Variants in NFIL3 observed in about 807,000 individuals in gnomAD.
NFIL3 encodes nuclear factor interleukin-3-regulated protein.
A neutral mutation model predicts 10.0 loss-of-function variants in NFIL3; 5 were observed. The ratio of observed to expected loss-of-function variants is 0.50; its 90% CI spans 0.26 to 1.06. The LOEUF (loss-of-function observed/expected upper bound fraction) is 1.06. Among genes scored for constraint, NFIL3 ranks in the 50% least tolerant of loss-of-function variants. The probability of loss-of-function intolerance (pLI) is 0.13; values close to 1 mark genes in which losing one functional copy is unlikely to be tolerated. For synonymous variants in NFIL3, 202 were observed against 206.5 expected (o/e 0.98, Z 0.19); for missense variants, 436 against 547.6 (o/e 0.80, Z 2.03).
upstream of NFIL3, among the ~76,000 whole-genome samples, chr9:91,428,385 G>C (rs778367981): frequency 4.6e-5 from 7 of 152,042 alleles, no homozygotes; most frequent in African/African-American, 1.7e-4. Context: ...CCACAACCTA[G>C]ACGTTATAGT....
chr9:91,441,217 A>G, the NFIL3 span, among the ~76,000 whole-genome samples: 1 of 152,034 alleles, frequency 6.6e-6, no homozygotes, highest in African/African-American at 2.4e-5. Context: ...GATAATTGTT[A>G]TGTCCTCTTG....
upstream of NFIL3, among the ~76,000 whole-genome samples, chr9:91,428,031 G>A (rs1425895936): frequency 1.3e-5 from 2 of 152,128 alleles, no homozygotes; most frequent in East Asian, 1.9e-4. Flanking sequence ...ATCAGTGTGT[G>A]CTTTTTGCTG....
In NFIL3 at chr9:91,410,729, C is replaced by A; in HGVS notation, c.6G>T (p.Gln2His). 2 of 1,587,830 alleles carry A rather than the reference C, an allele frequency of 1.3e-6. No individual in the cohort carries two copies. The highest frequency in any genetic ancestry group is 8.6e-7 in the Non-Finnish European group (1 of 1,169,570). ...TTTTGACGGTCTGCATTTTTCTCAG[C>A]TGCATCAGAAACAACCTTACCCTAT... M[Q>H]LRKMQTVKKE... Residue 2 changes from glutamine to histidine, a missense_variant, in exon 2 of 2, where the codon CAG becomes CAT. By Grantham distance (24) the Gln-to-His change is conservative (BLOSUM62 0). Transcript: ENST00000297689. This position sits in a 1 kb window ranked among gnomAD's most constrained non-coding sequence, Gnocchi z 5.7.
chr9:91,410,919 A>C lies in NFIL3; in HGVS notation c.-172-13T>G. The C allele has an allele frequency of 7.6e-6, 4 of 524,716 alleles. No homozygotes were observed. Among genetic ancestry groups the C allele is most frequent in the Non-Finnish European group, 1.3e-5 (4 of 297,742 alleles). 32.5% of individuals were successfully genotyped at this position (524,716 alleles called of 1,614,324 possible). On this transcript the variant is annotated splice_polypyrimidine_tract_variant and intron_variant, in intron 1 of 1. Coordinates refer to ENST00000297689, the MANE Select transcript of NFIL3 (RefSeq NM_005384.3). The surrounding 1 kb of genome is among the most constrained non-coding windows in gnomAD (Gnocchi z 5.7). ...CCTCCTTCGTTATCTGCAATACATG[A>C]ATAAAAAAAAAACCAGTTATTCACT...
rs919697443 is a variant in NFIL3, at chr9:91,421,674, C to G, written c.-173+1966G>C. ...GGAAGGTGGCGCCACGCGGCCCCTA[C>G]AGGCCTGGGACTCCCACCCGAGCTC... On this transcript the variant is annotated intron_variant, in intron 1 of 1. Transcript: ENST00000297689. Among the ~76,000 whole-genome samples, 12 of 152,308 alleles carry G rather than the reference C, an allele frequency of 7.9e-5. No homozygotes were observed. The South Asian group carries it at 2.3e-3, about 29-fold the overall frequency.
the NFIL3 span, among the ~76,000 whole-genome samples, chr9:91,453,562 C>T: frequency 6.6e-6 from 1 of 152,012 alleles, no homozygotes; most frequent in South Asian, 2.1e-4. Flanking sequence ...TAAATCCTTG[C>T]TATTTAGCAT....
chr9:91,470,207 G>T, the NFIL3 span, among the ~76,000 whole-genome samples: 1 of 151,820 alleles, frequency 6.6e-6, no homozygotes, highest in African/African-American at 2.4e-5. Flanking sequence ...CTCAATTTCA[G>T]AGCCTGTTAT....
At chr9:91,478,781 T>C in the NFIL3 span, among the ~76,000 whole-genome samples, 6 of 152,238 alleles carry the variant, frequency 3.9e-5, no homozygotes, top group Admixed American at 3.9e-4. Flanking sequence ...TTCATGGATT[T>C]ACCTACCTTT....
upstream of NFIL3, chr9:91,423,934 C>T (rs1833825672): frequency 6.9e-6 from 1 of 145,690 alleles, no homozygotes; most frequent in East Asian, 2.0e-4. Context: ...CCCCGGCCCG[C>T]CGCCAATGGC....
chr9:91,477,849 T>C, the NFIL3 span, among the ~76,000 whole-genome samples: 3 of 152,182 alleles, frequency 2.0e-5, no homozygotes, highest in Non-Finnish European at 4.4e-5. Context: ...TTAATTACAC[T>C]CTGAGTTCTG....
intron 1 of NFIL3, among the ~76,000 whole-genome samples, chr9:91,420,085 T>C (rs764122482): frequency 1.2e-4 from 19 of 152,268 alleles, no homozygotes; most frequent in Non-Finnish European, 2.1e-4. Context: ...TGTCACGTCA[T>C]TCCTGCTACT....
chr9:91,480,595 A>T, the NFIL3 span, among the ~76,000 whole-genome samples: 1 of 151,828 alleles, frequency 6.6e-6, no homozygotes, highest in Non-Finnish European at 1.5e-5. Flanking sequence ...AGAAAACACT[A>T]AAAAAAAGGA....
the NFIL3 span, among the ~76,000 whole-genome samples, chr9:91,467,658 G>T: frequency 1.3e-5 from 2 of 152,152 alleles, no homozygotes; most frequent in South Asian, 4.2e-4. Flanking sequence ...TCTACATTAG[G>T]TATTTCTCTT....
chr9:91,435,891 A>G, the NFIL3 span, among the ~76,000 whole-genome samples: 1 of 152,160 alleles, frequency 6.6e-6, no homozygotes, highest in Admixed American at 6.5e-5. Context: ...AGTTCACTCA[A>G]CTTGCTGAGA....
At chr9:91,464,490 A>G in the NFIL3 span, among the ~76,000 whole-genome samples, 3 of 152,096 alleles carry the variant, frequency 2.0e-5, no homozygotes, top group Non-Finnish European at 2.9e-5. Flanking sequence ...ATTTATACAT[A>G]TGCCATAATA....
chr9:91,444,422 T>C, the NFIL3 span, among the ~76,000 whole-genome samples: 2 of 152,214 alleles, frequency 1.3e-5, no homozygotes, highest in African/African-American at 4.8e-5. Context: ...TTTTAGGCAG[T>C]TGGTAAATTT....
At chr9:91,446,190 A>G in the NFIL3 span, among the ~76,000 whole-genome samples, 1 of 152,102 alleles carries the variant, frequency 6.6e-6, no homozygotes, top group African/African-American at 2.4e-5. Flanking sequence ...GGGTTTCAGG[A>G]GTCCTCTTGC....
the NFIL3 span, among the ~76,000 whole-genome samples, chr9:91,441,125 T>C: frequency 6.6e-6 from 1 of 152,162 alleles, no homozygotes; most frequent in Admixed American, 6.5e-5. Context: ...ACTATTATTG[T>C]ATTGCTGTGT....
At chr9:91,434,095 T>C in the NFIL3 span, among the ~76,000 whole-genome samples, 1 of 152,202 alleles carries the variant, frequency 6.6e-6, no homozygotes, top group Non-Finnish European at 1.5e-5. Flanking sequence ...ATCAAAATTC[T>C]AATGGATATT....
Sources: allele counts gnomAD v4.1 joint callset (sites outside exome capture counted in the v4.1 genomes callset), GRCh38; gene constraint gnomAD v4.1.1; non-coding constraint Gnocchi (gnomAD v3.1); transcripts MANE v1.5; gene names NCBI Gene and HGNC (gene_info 2026-07-23, HGNC 2026-07-21).